SORCS2: variants seen among roughly 807,000 people sequenced by gnomAD.
SORCS2 encodes the protein sortilin related VPS10 domain containing receptor 2, also known as VPS10 domain-containing receptor SorCS2.
SORCS2 carries 100 observed loss-of-function variants against 141.6 expected under a neutral mutation model. The ratio of observed to expected loss-of-function variants is 0.71; its 90% CI spans 0.60 to 0.83. SORCS2 has a LOEUF of 0.83. Among genes scored for constraint, SORCS2 ranks in the 40% least tolerant of loss-of-function variants. The pLI, the probability that SORCS2 is intolerant of heterozygous loss-of-function variation, is 0.00. For missense variants in SORCS2, 1,646 were observed against 1,560.2 expected (o/e 1.05, Z -0.93); for synonymous variants, 789 against 676.9 (o/e 1.17, Z -2.57).
intron 1 of SORCS2, among the ~76,000 whole-genome samples, chr4:7,336,107 G>A (rs992754727): frequency 1.3e-5 from 2 of 152,226 alleles, no homozygotes; most frequent in African/African-American, 2.4e-5. Flanking sequence ...CAGCTTCCGC[G>A]TCCCCATGTG....
At position 7,706,298 on chromosome 4, in the gene SORCS2, TCTGG is replaced by T. The variant is rs1560498821; in HGVS notation, c.1868+2015_1868+2018del. ...TGGGCAGGGATGAGGCTGGGCTCCGTCTGGGCAGGGATGAGGCTGGGCTCCGTCT... is the reference window on the plus strand; with the variant it reads ...TGGGCAGGGATGAGGCTGGGCTCCGTGCAGGGATGAGGCTGGGCTCCGTCT... On this transcript the variant is annotated intron_variant, in intron 14 of 26. Transcript: ENST00000507866. Among the ~76,000 whole-genome samples, 45 of 22,688 alleles carry T rather than the reference TCTGG, an allele frequency of 2.0e-3. 1 individual carries two copies. Among genetic ancestry groups the T allele is most frequent in the South Asian group, 9.8e-3 (5 of 510 alleles). The allele number at this position is 22,688 out of a possible 152,430, so 14.9% of individuals were successfully genotyped here. A position where few individuals can be genotyped will look rare whatever the true frequency, so the allele number is the denominator to read the frequency against.
chr4:7,459,127 G>T (rs1282144481), intron 2 of SORCS2, among the ~76,000 whole-genome samples: 1 of 152,126 alleles, frequency 6.6e-6, no homozygotes, highest in East Asian at 1.9e-4. Context: ...CCTGAGGGGT[G>T]CAGTGAAGAC....
intron 3 of SORCS2, among the ~76,000 whole-genome samples, chr4:7,628,412 G>C (rs973166911): frequency 6.6e-6 from 1 of 152,012 alleles, no homozygotes; most frequent in Admixed American, 6.6e-5. Flanking sequence ...CCAGCTACTA[G>C]GGAGGCTGAG....
intron 4 of SORCS2, among the ~76,000 whole-genome samples, chr4:7,640,490 A>T (rs142759777): frequency 1.8e-5 from 2 of 111,342 alleles, no homozygotes; most frequent in Admixed American, 1.0e-4. Flanking sequence ...GAGAGAGCCT[A>T]TGTGAGCGTA....
intron 1 of SORCS2, among the ~76,000 whole-genome samples, chr4:7,212,540 A>G (rs1369667879): frequency 2.0e-5 from 3 of 152,154 alleles, no homozygotes; most frequent in South Asian, 2.1e-4. Flanking sequence ...GTCTGTCTCC[A>G]TCTCTGGGTT....
chr4:7,715,827 G>A (rs1264241681), intron 17 of SORCS2, among the ~76,000 whole-genome samples: 1 of 152,138 alleles, frequency 6.6e-6, no homozygotes, highest in Non-Finnish European at 1.5e-5. Context: ...CTTCCTCCAG[G>A]AAGCCTTCCC....
intron 7 of SORCS2, among the ~76,000 whole-genome samples, chr4:7,666,460 T>C (rs1414097748): frequency 6.6e-6 from 1 of 152,006 alleles, no homozygotes; most frequent in Non-Finnish European, 1.5e-5. Context: ...CCTTCCTCCC[T>C]CCTCCCACCC....
chr4:7,694,398 G>A (rs142285677), intron 11 of SORCS2, among the ~76,000 whole-genome samples: 9 of 152,292 alleles, frequency 5.9e-5, no homozygotes, highest in African/African-American at 1.2e-4. Flanking sequence ...AGCCTGCAAC[G>A]TGTTCCGTGA....
At chr4:7,516,571 A>C (rs1256199565) in intron 2 of SORCS2, among the ~76,000 whole-genome samples, 1 of 145,656 alleles carries the variant, frequency 6.9e-6, no homozygotes, top group Non-Finnish European at 1.5e-5. Context: ...AGGGACCTGG[A>C]GGGGTGGGGG....
At chr4:7,672,877 T>G (rs1406707102) in intron 8 of SORCS2, among the ~76,000 whole-genome samples, 1 of 152,180 alleles carries the variant, frequency 6.6e-6, no homozygotes, top group Non-Finnish European at 1.5e-5. Context: ...TTCTTAGAGC[T>G]CTCTAATAAA....
intron 3 of SORCS2, among the ~76,000 whole-genome samples, chr4:7,622,966 C>T (rs970296880): frequency 2.0e-5 from 3 of 152,096 alleles, no homozygotes; most frequent in East Asian, 3.9e-4. Flanking sequence ...ACCCCAGAGC[C>T]ACTCCCTGCC....
At chr4:7,562,396 T>C (rs540625677) in intron 3 of SORCS2, among the ~76,000 whole-genome samples, 2 of 151,890 alleles carry the variant, frequency 1.3e-5, no homozygotes, top group Non-Finnish European at 2.9e-5. Flanking sequence ...GGAGGAGGGA[T>C]GGCCTGGGAT....
At chr4:7,261,519 C>G (rs1714322779) in intron 1 of SORCS2, among the ~76,000 whole-genome samples, 1 of 152,182 alleles carries the variant, frequency 6.6e-6, no homozygotes. Flanking sequence ...TCTCTCCAGC[C>G]CAGATTTATG....
intron 3 of SORCS2, among the ~76,000 whole-genome samples, chr4:7,584,966 G>A (rs1437487618): frequency 2.0e-5 from 3 of 152,168 alleles, no homozygotes; most frequent in Non-Finnish European, 4.4e-5. Context: ...CGGGTGATGT[G>A]AATCTCTTGT....
intron 3 of SORCS2, among the ~76,000 whole-genome samples, chr4:7,615,390 A>C (rs572008059): frequency 6.6e-6 from 1 of 152,222 alleles, no homozygotes; most frequent in Non-Finnish European, 1.5e-5. Flanking sequence ...AGAAAGGAAA[A>C]TCTTTTTCCT....
chr4:7,474,133 C>G (rs1333784720), intron 2 of SORCS2, among the ~76,000 whole-genome samples: 3 of 152,152 alleles, frequency 2.0e-5, no homozygotes, highest in Non-Finnish European at 4.4e-5. Context: ...TCTCCAGGGC[C>G]TCCCAGAGCC....
At chr4:7,419,343 C>T (rs1725893621) in intron 2 of SORCS2, among the ~76,000 whole-genome samples, 1 of 152,046 alleles carries the variant, frequency 6.6e-6, no homozygotes, top group Admixed American at 6.5e-5. Context: ...GTAGAGGTCT[C>T]TCATGGGGTC....
chr4:7,639,378 C>A lies in SORCS2; in HGVS notation c.813+886C>A, dbSNP rs532301502. 2.0e-5 allele frequency among the ~76,000 whole-genome samples: 3 copies of A among 152,280 alleles called. No individual in the cohort carries two copies. The East Asian group carries it at 5.8e-4, about 29-fold the overall frequency. On this transcript the variant is annotated intron_variant, in intron 4 of 26. Transcript: ENST00000507866. ...ATCTCTGCACCTTCAGGCTTCAAAT[C>A]TCCTCTGCCCCATCTCCATGCTGCC...
At chr4:7,306,765 C>T (rs982743469) in intron 1 of SORCS2, among the ~76,000 whole-genome samples, 4 of 152,156 alleles carry the variant, frequency 2.6e-5, no homozygotes, top group African/African-American at 9.7e-5. Flanking sequence ...GCAGAGTCGC[C>T]TGGAGGCTGG....
Sources: allele counts gnomAD v4.1 joint callset (sites outside exome capture counted in the v4.1 genomes callset), GRCh38; gene constraint gnomAD v4.1.1; transcripts MANE v1.5; gene names NCBI Gene and HGNC (gene_info 2026-07-23, HGNC 2026-07-21).